Variants in HOMER2 observed in about 807,000 individuals in gnomAD.
HOMER2 encodes the protein homer protein homolog 2.
Under a neutral mutation model 47.0 loss-of-function variants are expected in HOMER2, and 27 were observed. The ratio of observed to expected loss-of-function variants is 0.57; its 90% CI spans 0.42 to 0.79. The LOEUF (loss-of-function observed/expected upper bound fraction) is 0.79, where lower values mean the gene tolerates loss of function less well. Ranked by LOEUF, HOMER2 falls within the 30% of genes least tolerant of loss-of-function variation. The pLI, the probability that HOMER2 is intolerant of heterozygous loss-of-function variation, is 0.00. For synonymous variants in HOMER2, 161 were observed against 163.8 expected (o/e 0.98, Z 0.13); for missense variants, 443 against 435.0 (o/e 1.02, Z -0.16).
Position 82,896,589 on chromosome 15 carries a change from GCA to G in HOMER2, c.6-3750_6-3749del, listed in dbSNP as rs1419743457. Among the ~76,000 whole-genome samples, 4 of 152,198 alleles carry G rather than the reference GCA, an allele frequency of 2.6e-5. No homozygotes were observed. In the South Asian group the frequency reaches 6.2e-4, roughly 24 times the overall value. ...AGTGGCTGCTCCAGTGTGAGGGGAG[GCA>G]CAGAGACCTGGGAGGGGTACTGCAG... On this transcript the variant is annotated intron_variant, in intron 1 of 8. Transcript: ENST00000450735.
At chr15:82,858,454 G>T (rs1255730750) in intron 5 of HOMER2, among the ~76,000 whole-genome samples, 1 of 151,862 alleles carries the variant, frequency 6.6e-6, no homozygotes, top group Admixed American at 6.6e-5. Flanking sequence ...CACCATAGCT[G>T]GCTAGTTTTT....
rs772542303 is a variant in HOMER2 at position 82,851,221 on chromosome 15, T to G, written c.773A>C (p.Asp258Ala). ...ELREKETELKDLRKQSEIIPQ... is the reference protein window; with the variant it reads ...ELREKETELKALRKQSEIIPQ... Reference sequence around the variant, plus strand: ...TATGATTTCACTTTGTTTTCGGAGATCTTTCAGCTCCTACATGAAAAAAAT... The same window carrying G: ...TATGATTTCACTTTGTTTTCGGAGAGCTTTCAGCTCCTACATGAAAAAAAT... Residue 258 changes from aspartate to alanine, a missense_variant, in exon 8 of 9, where the codon GAT becomes GCT. By Grantham distance (126) the Asp-to-Ala change is moderately radical (BLOSUM62 -2). Transcript: ENST00000450735. 3.0e-5 allele frequency: 47 copies of G among 1,559,926 alleles called. No homozygotes were observed. Among genetic ancestry groups the G allele is most frequent in the Non-Finnish European group, 3.8e-5 (44 of 1,150,292 alleles).
intron 2 of HOMER2, among the ~76,000 whole-genome samples, chr15:82,877,416 C>T (rs547362587): frequency 8.9e-4 from 135 of 152,182 alleles, no homozygotes; most frequent in African/African-American, 3.1e-3. Flanking sequence ...GTGATCCGCC[C>T]GCCTTGGCCT....
At chr15:82,907,566 A>G (rs1056718890) in intron 1 of HOMER2, among the ~76,000 whole-genome samples, 1 of 152,184 alleles carries the variant, frequency 6.6e-6, no homozygotes, top group Non-Finnish European at 1.5e-5. Flanking sequence ...GGAGAAAGGG[A>G]CAGATTCAAA....
At chr15:82,975,788 T>G (rs2030180393) in intron 1 of HOMER2, among the ~76,000 whole-genome samples, 1 of 152,210 alleles carries the variant, frequency 6.6e-6, no homozygotes, top group South Asian at 2.1e-4. Context: ...AGACCTACTA[T>G]TTGATAGCAC....
chr15:82,954,926 G>A (rs1464043270), upstream of HOMER2, among the ~76,000 whole-genome samples: 7 of 149,618 alleles, frequency 4.7e-5, no homozygotes, highest in East Asian at 2.0e-4. Flanking sequence ...CTACAGGCGC[G>A]CACCACCACC....
chr15:82,900,881 G>C (rs1457620201), intron 1 of HOMER2, among the ~76,000 whole-genome samples: 1 of 152,186 alleles, frequency 6.6e-6, no homozygotes, highest in Non-Finnish European at 1.5e-5. Flanking sequence ...ATAAATTAGT[G>C]ATCTGATAGA....
upstream of HOMER2, among the ~76,000 whole-genome samples, chr15:82,957,647 A>C (rs933781169): frequency 2.0e-5 from 3 of 152,114 alleles, no homozygotes; most frequent in Non-Finnish European, 4.4e-5. Flanking sequence ...CTTTAAGATG[A>C]CACCAGATCA....
At chr15:82,918,385 A>G (rs1014064723) in intron 1 of HOMER2, among the ~76,000 whole-genome samples, 1 of 152,068 alleles carries the variant, frequency 6.6e-6, no homozygotes, top group African/African-American at 2.4e-5. Context: ...GGACAGTGTG[A>G]TCATGTTGGG....
At chr15:82,894,480 G>A (rs1393480915) in intron 1 of HOMER2, among the ~76,000 whole-genome samples, 1 of 151,880 alleles carries the variant, frequency 6.6e-6, no homozygotes, top group Non-Finnish European at 1.5e-5. Flanking sequence ...GACCATCCTG[G>A]CTAACACGGT....
intron 1 of HOMER2, among the ~76,000 whole-genome samples, chr15:82,919,341 A>G (rs1264324534): frequency 1.3e-5 from 2 of 152,218 alleles, no homozygotes; most frequent in Non-Finnish European, 2.9e-5. Flanking sequence ...GCTCGTCCAT[A>G]CAGGATCAAG....
chr15:82,845,299 T>C (rs969659837), downstream of HOMER2: 2 of 149,322 alleles, frequency 1.3e-5, no homozygotes, highest in African/African-American at 5.1e-5. Context: ...CACTAGAACA[T>C]TTCATCCAGC....
intron 1 of HOMER2, among the ~76,000 whole-genome samples, chr15:82,975,557 C>T (rs1884718290): frequency 6.6e-6 from 1 of 152,184 alleles, no homozygotes; most frequent in South Asian, 2.1e-4. Context: ...CTGTCATTTG[C>T]AACACCATAG....
chr15:82,901,280 G>A (rs947701635), intron 1 of HOMER2, among the ~76,000 whole-genome samples: 1 of 152,210 alleles, frequency 6.6e-6, no homozygotes, highest in Admixed American at 6.5e-5. Context: ...GCAAAGCTGA[G>A]ATGGAAAACA....
chr15:82,971,054 G>T lies in HOMER2; in HGVS notation n.83-11746C>A, dbSNP rs555574872. Among the ~76,000 whole-genome samples, 10 of 152,316 alleles carry T rather than the reference G, an allele frequency of 6.6e-5. No individual in the cohort carries two copies. The South Asian group carries it at 1.9e-3, about 28-fold the overall frequency. On this transcript the variant is annotated intron_variant and non_coding_transcript_variant, in intron 1 of 1. Coordinates refer to the HOMER2 transcript ENST00000500334. Reference sequence around the variant, plus strand: ...GGACTCCCTGAATTATTGATGGGAAGAAAACAGTCCATTCAAAGGGAAGAT... The same window carrying T: ...GGACTCCCTGAATTATTGATGGGAATAAAACAGTCCATTCAAAGGGAAGAT...
chr15:82,973,369 G>A (rs944921411), intron 1 of HOMER2, among the ~76,000 whole-genome samples: 7 of 152,154 alleles, frequency 4.6e-5, no homozygotes, highest in African/African-American at 1.2e-4. Flanking sequence ...ATAACTGCCC[G>A]TCATCTGTAA....
chr15:82,880,459 G>A (rs1044082955), intron 2 of HOMER2, among the ~76,000 whole-genome samples: 2 of 152,206 alleles, frequency 1.3e-5, no homozygotes, highest in Admixed American at 6.5e-5. Flanking sequence ...AAGGACTTCT[G>A]AGGTATTAAT....
At chr15:82,974,003 C>A (rs1405085043) in intron 1 of HOMER2, among the ~76,000 whole-genome samples, 1 of 151,690 alleles carries the variant, frequency 6.6e-6, no homozygotes, top group Non-Finnish European at 1.5e-5. Context: ...GAGTCTGAGG[C>A]ACGAGGGTCA....
intron 1 of HOMER2, among the ~76,000 whole-genome samples, chr15:82,983,881 C>T (rs1296978617): frequency 6.6e-6 from 1 of 152,028 alleles, no homozygotes; most frequent in African/African-American, 2.4e-5. Context: ...AGTAAGCCAC[C>T]GCACCCAGCT....
Sources: gnomAD v4.1 joint callset for allele counts (sites outside exome capture counted in the v4.1 genomes callset) on GRCh38, gnomAD v4.1.1 for gene constraint, MANE v1.5 for transcripts, NCBI Gene and HGNC (gene_info 2026-07-23, HGNC 2026-07-21) for gene names.